Variants in XIRP2 observed in about 807,000 individuals in gnomAD.
XIRP2 encodes xin actin binding repeat containing 2, also known as xin actin-binding repeat-containing protein 2.
A neutral mutation model predicts 277.0 loss-of-function variants in XIRP2; 236 were observed. The observed-to-expected ratio is 0.85, with a 90% confidence interval of 0.77 to 0.95. The LOEUF (loss-of-function observed/expected upper bound fraction) is 0.95, where lower values mean the gene tolerates loss of function less well. XIRP2 is among the 40% of genes least tolerant of loss of function. The pLI is 0.00. For synonymous variants in XIRP2, 1,490 were observed against 1,416.5 expected (o/e 1.05, Z -1.17); for missense variants, 4,640 against 4,157.5 (o/e 1.12, Z -3.19).
At chr2:167,022,794 G>C (rs1688022571) in intron 2 of XIRP2, among the ~76,000 whole-genome samples, 1 of 151,972 alleles carries the variant, frequency 6.6e-6, no homozygotes, top group Non-Finnish European at 1.5e-5. Context: ...CTTTTTTATG[G>C]CTGCATAGTA....
chr2:167,033,166 C>A (rs375171556), intron 2 of XIRP2, among the ~76,000 whole-genome samples: 1 of 152,120 alleles, frequency 6.6e-6, no homozygotes, highest in Non-Finnish European at 1.5e-5. Context: ...TGGAAAGCAT[C>A]ATTCTCAGCA....
chr2:166,944,632 T>C (rs1057025358), intron 2 of XIRP2, among the ~76,000 whole-genome samples: 3 of 152,230 alleles, frequency 2.0e-5, no homozygotes, highest in South Asian at 4.1e-4. Flanking sequence ...CATGTGTTCA[T>C]GTAACTGGGA....
rs1040904670 is a variant in XIRP2 at position 167,251,141 on chromosome 2, G to A, written c.9749G>A (p.Gly3250Asp). 2 of 1,613,334 alleles carry A rather than the reference G, an allele frequency of 1.2e-6. No individual in the cohort carries two copies. Among genetic ancestry groups the A allele is most frequent in the Non-Finnish European group, 1.7e-6 (2 of 1,179,724 alleles). The change falls in exon 9 of 11, where the codon GGT becomes GAT. Residue 3250 changes from glycine (G) to aspartate (D), a missense_variant. Transcript: ENST00000409195. ...IPVNINHAAS[G>D]SFRESVDAQE... is the part of the protein sequence containing the mutation. ...GTAAATATAAATCATGCTGCTAGTG[G>A]TTCCTTCAGAGAATCTGTGGACGCT...
At chr2:167,238,468 TGAC>T (rs1396613157) in intron 5 of XIRP2, among the ~76,000 whole-genome samples, 1 of 152,098 alleles carries the variant, frequency 6.6e-6, no homozygotes, top group African/African-American at 2.4e-5. Context: ...TCTAACTACA[TGAC>T]TAACTGCTCC....
intron 2 of XIRP2, among the ~76,000 whole-genome samples, chr2:167,004,232 T>C (rs1687446688): frequency 1.3e-5 from 2 of 151,894 alleles, no homozygotes; most frequent in Admixed American, 6.6e-5. Context: ...ATATTTTAGC[T>C]GCAGGTATGC....
intron 3 of XIRP2, among the ~76,000 whole-genome samples, chr2:167,183,646 TTG>T (rs1470825061): frequency 5.3e-5 from 8 of 152,162 alleles, no homozygotes; most frequent in Non-Finnish European, 7.3e-5. Context: ...TTCATATGTT[TTG>T]TGTGTTATTT....
intron 2 of XIRP2, among the ~76,000 whole-genome samples, chr2:166,933,829 A>T (rs1685416368): frequency 6.6e-6 from 1 of 152,152 alleles, no homozygotes; most frequent in African/African-American, 2.4e-5. Flanking sequence ...TTTTCCTAAT[A>T]CTATTTTATA....
At chr2:167,002,400 T>C (rs561477183) in intron 2 of XIRP2, among the ~76,000 whole-genome samples, 1 of 101,020 alleles carries the variant, frequency 9.9e-6, no homozygotes, top group African/African-American at 4.3e-5. Flanking sequence ...TTTATTTAAG[T>C]GTCTAACATG....
At chr2:166,969,088 A>G (rs913843732) in intron 2 of XIRP2, among the ~76,000 whole-genome samples, 5 of 151,992 alleles carry the variant, frequency 3.3e-5, no homozygotes, top group African/African-American at 1.2e-4. Context: ...CTTTCTCCTC[A>G]TGGGAAAATA....
At chr2:166,994,331 G>T (rs1687144255) in intron 2 of XIRP2, among the ~76,000 whole-genome samples, 1 of 89,396 alleles carries the variant, frequency 1.1e-5, no homozygotes, top group Admixed American at 1.2e-4. Flanking sequence ...CTGTGGTGGG[G>T]TCGGGGGAGG....
chr2:167,022,556 G>C (rs532076841), intron 2 of XIRP2, among the ~76,000 whole-genome samples: 1 of 151,892 alleles, frequency 6.6e-6, no homozygotes, highest in Non-Finnish European at 1.5e-5. Flanking sequence ...CCATTAACTC[G>C]TCATTTAGCA....
chr2:167,148,427 G>C (rs995934586), intron 3 of XIRP2, among the ~76,000 whole-genome samples: 4 of 126,334 alleles, frequency 3.2e-5, no homozygotes, highest in Non-Finnish European at 6.6e-5. Flanking sequence ...GAGAAAGAAA[G>C]AAAGAAAAAG....
At chr2:166,903,430 G>A (rs905132322) in intron 1 of XIRP2, 35 bp from the exon 2 acceptor site, 8 of 1,561,132 alleles carry the variant, frequency 5.1e-6, no homozygotes, top group African/African-American at 1.4e-5. Flanking sequence ...AGACTCCTGA[G>A]TGTATCACTG....
intron 2 of XIRP2, among the ~76,000 whole-genome samples, chr2:167,035,622 G>T (rs1465951965): frequency 1.3e-5 from 2 of 152,210 alleles, no homozygotes; most frequent in Non-Finnish European, 2.9e-5. Context: ...AGCATAAAAG[G>T]TCGGAACATG....
At chr2:167,177,659 A>G (rs1692885936) in intron 3 of XIRP2, among the ~76,000 whole-genome samples, 1 of 152,186 alleles carries the variant, frequency 6.6e-6, no homozygotes, top group Non-Finnish European at 1.5e-5. Flanking sequence ...CCAAATTAAT[A>G]TATTCATATA....
chr2:167,010,017 C>A (rs1687621230), intron 2 of XIRP2, among the ~76,000 whole-genome samples: 1 of 151,934 alleles, frequency 6.6e-6, no homozygotes, highest in Non-Finnish European at 1.5e-5. Flanking sequence ...TTGTAGGTTG[C>A]CTGTTCACGC....
chr2:167,234,355 G>A (rs1159115905), intron 5 of XIRP2, among the ~76,000 whole-genome samples: 2 of 150,450 alleles, frequency 1.3e-5, no homozygotes, highest in Non-Finnish European at 3.0e-5. Context: ...TTGTTTCAAG[G>A]GAATTTCAAG....
intron 2 of XIRP2, among the ~76,000 whole-genome samples, chr2:167,112,709 T>C (rs1690793699): frequency 6.6e-6 from 1 of 151,978 alleles, no homozygotes; most frequent in Non-Finnish European, 1.5e-5. Context: ...TGGAGTGCAG[T>C]GGCACAACCT....
Position 167,218,150 on chromosome 2 carries a change from T to A in XIRP2, c.724-16T>A. On this transcript the variant is annotated splice_polypyrimidine_tract_variant and intron_variant, in intron 4 of 10. Coordinates refer to ENST00000409195, the MANE Select transcript of XIRP2 (RefSeq NM_152381.6). ...AGCTGTAAAGCTGAATTTTCCTTTT[T>A]CTTAAATCATCCTAGATGATGGAAG... is the stretch of plus-strand genomic sequence containing the variant. The A allele has an allele frequency of 6.5e-7, 1 of 1,534,226 alleles. No individual in the cohort carries two copies. The highest frequency in any genetic ancestry group is 8.8e-7 in the Non-Finnish European group (1 of 1,140,206).
Sources: allele counts gnomAD v4.1 joint callset (sites outside exome capture counted in the v4.1 genomes callset), GRCh38; gene constraint gnomAD v4.1.1; transcripts MANE v1.5; gene names NCBI Gene and HGNC (gene_info 2026-07-23, HGNC 2026-07-21).